PRKDC: variants seen among roughly 807,000 people sequenced by gnomAD.
PRKDC encodes the protein protein kinase, DNA-activated, catalytic subunit.
PRKDC carries 82 observed loss-of-function variants against 486.9 expected under a neutral mutation model. The ratio of observed to expected loss-of-function variants is 0.17; its 90% CI spans 0.14 to 0.20. The LOEUF is 0.20. Among genes scored for constraint, PRKDC ranks in the 10% least tolerant of loss-of-function variants. PRKDC has a pLI of 1.00. For synonymous variants in PRKDC, 1,895 were observed against 1,837.0 expected (o/e 1.03, Z -0.81); for missense variants, 4,504 against 5,038.2 (o/e 0.89, Z 3.21).
intron 7 of PRKDC, among the ~76,000 whole-genome samples, chr8:47,948,117 C>T (rs976833482): frequency 1.3e-5 from 2 of 151,416 alleles, no homozygotes; most frequent in African/African-American, 4.9e-5. Flanking sequence ...CACACACACA[C>T]ACACACACGC....
chr8:47,820,963 A>C lies in PRKDC; in HGVS notation c.9112-20T>G, dbSNP rs766328462. On this transcript the variant is annotated intron_variant, in intron 65 of 85. Coordinates refer to ENST00000314191, the MANE Select transcript of PRKDC (RefSeq NM_006904.7). ...TGTTTCCTAAGGAACATAAAAATAT[A>C]CTTGTAACTACAGAAGGCCAATTTG... is the stretch of plus-strand genomic sequence containing the variant. 2.0e-5 allele frequency: 29 copies of C among 1,470,384 alleles called. 1 individual carries two copies. The Admixed American group carries it at 2.4e-4, about 12-fold the overall frequency. The allele number at this position is 1,470,384 out of a possible 1,614,324, so 91.1% of individuals were successfully genotyped here.
At position 47,942,078 on chromosome 8, in the gene PRKDC, A is replaced by T. The variant is rs1053656889; in HGVS notation, c.966+1131T>A. 1.1e-4 allele frequency among the ~76,000 whole-genome samples: 16 copies of T among 152,318 alleles called. No individual in the cohort carries two copies. The East Asian group carries it at 3.1e-3, about 29-fold the overall frequency. Reference sequence around the variant, plus strand: ...GGCCCCCAGGGTGCCACCAGGGATGATCCCTCTGCACACATTCCGGACACT... The same window carrying T: ...GGCCCCCAGGGTGCCACCAGGGATGTTCCCTCTGCACACATTCCGGACACT... On this transcript the variant is annotated intron_variant, in intron 10 of 85. Coordinates refer to ENST00000314191, the MANE Select transcript of PRKDC (RefSeq NM_006904.7).
Position 47,902,580 on chromosome 8 carries a change from G to A in PRKDC, c.3258C>T (p.Tyr1086=), listed in dbSNP as rs762258312. The change falls in exon 27 of 86, where the codon TAC becomes TAT. Residue 1086 remains tyrosine, a synonymous_variant. Coordinates refer to ENST00000314191, the MANE Select transcript of PRKDC (RefSeq NM_006904.7). ...TGTAGCTTACAAACCTGAATTCCCTGTAGATATTATTAAAGGCAAGTGATG... is the reference window on the plus strand; with the variant it reads ...TGTAGCTTACAAACCTGAATTCCCTATAGATATTATTAAAGGCAAGTGATG... ...LGASLAFNNI[Y]REFREEESLV... 6.3e-7 allele frequency: 1 copy of A among 1,583,234 alleles called. No individual in the cohort carries two copies. Among genetic ancestry groups the A allele is most frequent in the South Asian group, 1.2e-5 (1 of 84,688 alleles).
chr8:47,914,149 T>C, intron 23 of PRKDC, 85 bp from the exon 24 acceptor site: 1 of 1,192,692 alleles, frequency 8.4e-7, no homozygotes, highest in Middle Eastern at 2.2e-4. Context: ...ACATTTCTAA[T>C]GCCAGCTGTT....
At chr8:47,950,985 AT>A (rs2090617059) in intron 7 of PRKDC, among the ~76,000 whole-genome samples, 1 of 152,210 alleles carries the variant, frequency 6.6e-6, no homozygotes, top group Admixed American at 6.5e-5. Flanking sequence ...TCTTAAAAAA[AT>A]AAAAAAAATA....
chr8:47,959,884 C>T (rs1308684983), intron 1 of PRKDC, 89 bp downstream of exon 1: 27 of 1,492,388 alleles, frequency 1.8e-5, no homozygotes, highest in Middle Eastern at 2.0e-4. Context: ...ATACCGTCAT[C>T]TAAACACAGA....
intron 10 of PRKDC, 81 bp from the exon 11 acceptor site, chr8:47,939,778 T>G (rs891421752): frequency 1.7e-6 from 2 of 1,197,116 alleles, no homozygotes; most frequent in African/African-American, 3.1e-5. Flanking sequence ...CTAGAACTGT[T>G]TAGATGCTAC....
chr8:47,948,887 TG>T (rs2090581255), intron 7 of PRKDC, among the ~76,000 whole-genome samples: 1 of 152,260 alleles, frequency 6.6e-6, no homozygotes, highest in African/African-American at 2.4e-5. Context: ...ACTTGCCATT[TG>T]TTAGCTATAT....
chr8:47,911,775 TA>T (rs1372693793), intron 25 of PRKDC, among the ~76,000 whole-genome samples: 1 of 151,818 alleles, frequency 6.6e-6, no homozygotes, highest in East Asian at 1.9e-4. Context: ...TTTATTTATT[TA>T]TTTTTTTTTT....
At chr8:47,921,147 C>T (rs573383917) in intron 21 of PRKDC, among the ~76,000 whole-genome samples, 3 of 151,882 alleles carry the variant, frequency 2.0e-5, no homozygotes, top group Middle Eastern at 3.4e-3. Context: ...CCCAGCTACT[C>T]GGGAGGCTGC....
chr8:47,899,980 T>C (rs2089651037), intron 28 of PRKDC, among the ~76,000 whole-genome samples: 1 of 152,232 alleles, frequency 6.6e-6, no homozygotes, highest in African/African-American at 2.4e-5. Flanking sequence ...TTCTAAATGA[T>C]CACGAGTGAG....
intron 67 of PRKDC, 72 bp from the exon 68 acceptor site, chr8:47,817,633 G>A: frequency 3.0e-6 from 3 of 985,382 alleles, no homozygotes; most frequent in Non-Finnish European, 4.5e-6. Context: ...GTCATTATCA[G>A]TAAATAGAAA....
intron 54 of PRKDC, 134 bp from the exon 55 acceptor site, chr8:47,840,323 T>C (rs986450537): frequency 2.3e-5 from 15 of 653,002 alleles, no homozygotes; most frequent in Non-Finnish European, 3.8e-5. Flanking sequence ...ATAAAACTTA[T>C]ATTCTTAAAA....
At chr8:47,822,509 G>A (rs931609461) in intron 64 of PRKDC, among the ~76,000 whole-genome samples, 23 of 152,168 alleles carry the variant, frequency 1.5e-4, no homozygotes, top group Non-Finnish European at 2.6e-4. Context: ...TGGGCTGCTC[G>A]GCTGGGAGCG....
rs2088440063 is a variant in PRKDC, at chr8:47,852,780, A to G, written c.6898T>C (p.Phe2300Leu). ...GACATATTATTCACCAAAGCCTGGA[A>G]GTATCTACAATAAACACAGAAAAGA... is the stretch of plus-strand genomic sequence containing the variant. ...PQCGIQSSEY[F>L]QALVNNMSFV... The change falls in exon 52 of 86, where the codon TTC becomes CTC. Residue 2300 changes from phenylalanine (F) to leucine (L), a missense_variant. Around this residue, in one of 6 missense-constraint regions of PRKDC, gnomAD observed 1,592 missense variants for 1,724.6 expected, o/e 0.92. Transcript: ENST00000314191. The G allele has an allele frequency of 1.3e-6, 2 of 1,549,444 alleles. No homozygotes were observed. Among genetic ancestry groups the G allele is most frequent in the South Asian group, 1.2e-5 (1 of 84,568 alleles).
At chr8:47,839,359 G>T in intron 55 of PRKDC, 113 bp from the exon 56 acceptor site, 1 of 754,620 alleles carries the variant, frequency 1.3e-6, no homozygotes, top group Non-Finnish European at 2.2e-6. Flanking sequence ...TTTCCCATTA[G>T]ACTTTAGATC....
chr8:47,890,422 G>A lies in PRKDC; in HGVS notation c.3906C>T (p.Ala1302=). The A allele has an allele frequency of 6.3e-7, 1 of 1,596,652 alleles. No homozygotes were observed. Among genetic ancestry groups the A allele is most frequent in the African/African-American group, 1.3e-5 (1 of 74,754 alleles). Residue 1302 remains alanine, a synonymous_variant, in exon 32 of 86, where the codon GCC becomes GCT. Transcript: ENST00000314191. ...KAVAFFLESI[A]MHDIIAAEKC... is the part of the protein sequence containing the mutation. ...TTTCTGCTGCTATAATGTCATGCATGGCAATGCTTTCTAAGAAGAAAGCCA... is the reference window on the plus strand; with the variant it reads ...TTTCTGCTGCTATAATGTCATGCATAGCAATGCTTTCTAAGAAGAAAGCCA...
At chr8:47,805,488 C>T (rs2087199198) in intron 69 of PRKDC, among the ~76,000 whole-genome samples, 2 of 152,126 alleles carry the variant, frequency 1.3e-5, no homozygotes, top group South Asian at 4.1e-4. Context: ...TTGTTTGACT[C>T]TTTGTTGTTC....
chr8:47,945,730 C>CT (rs148411126), intron 7 of PRKDC, among the ~76,000 whole-genome samples: 3,718 of 151,242 alleles, frequency 0.025, 151 homozygotes, highest in African/African-American at 0.083. Flanking sequence ...AAATTCTATC[C>CT]TTTTTTTTTG....
Sources: allele counts gnomAD v4.1 joint callset (sites outside exome capture counted in the v4.1 genomes callset), GRCh38; gene constraint gnomAD v4.1.1; regional missense constraint gnomAD v4.1.1; transcripts MANE v1.5; gene names NCBI Gene and HGNC (gene_info 2026-07-23, HGNC 2026-07-21).